KMT2D: variants seen among roughly 807,000 people sequenced by gnomAD.
The protein encoded by KMT2D is lysine methyltransferase 2D.
KMT2D carries 55 observed loss-of-function variants against 512.7 expected under a neutral mutation model. That is an observed-to-expected ratio of 0.11 (90% CI 0.09 to 0.13). The LOEUF (loss-of-function observed/expected upper bound fraction) is 0.13. Among genes scored for constraint, KMT2D ranks in the 10% least tolerant of loss-of-function variants. KMT2D has a pLI of 1.00. For missense variants in KMT2D, 6,061 were observed against 7,127.9 expected, an observed-to-expected ratio of 0.85 and a Z score of 5.39; for synonymous variants, 2,995 against 2,904.0, an observed-to-expected ratio of 1.03 and a Z score of -1.01.
At chr12:49,029,316 T>C in intron 44 of KMT2D, 80 bp from the exon 45 acceptor site, 1 of 1,585,670 alleles carries the variant, frequency 6.3e-7, no homozygotes, top group Non-Finnish European at 8.6e-7. Flanking sequence ...GATGTCTTAC[T>C]TGAAATCTCC....
chr12:49,033,853 C>T lies in KMT2D; in HGVS notation c.10852G>A (p.Ala3618Thr), dbSNP rs2120447844. ...CGGGGACTCTGGGAAGGGCTGAGAG[C>T]CAGCACAGCTGAGTGCTGTTGCTGT... is the stretch of plus-strand genomic sequence containing the variant. Reference protein sequence around the residue: ...QQQQQHSAVLALSPSQSPRLL... With the variant: ...QQQQQHSAVLTLSPSQSPRLL... The change falls in exon 40 of 55, where the codon GCT becomes ACT. Residue 3618 changes from alanine to threonine, a missense_variant. Coordinates refer to ENST00000301067, the MANE Select transcript of KMT2D (RefSeq NM_003482.4). The T allele has an allele frequency of 6.4e-7, 1 of 1,559,836 alleles. No individual in the cohort carries two copies. Among genetic ancestry groups the T allele is most frequent in the Non-Finnish European group, 8.7e-7 (1 of 1,154,498 alleles).
rs779996718 is a variant in KMT2D, at chr12:49,052,705, A to G, written c.1117T>C (p.Ser373Pro). 6 of 1,613,534 alleles carry G rather than the reference A, an allele frequency of 3.7e-6. No individual in the cohort carries two copies. In the South Asian group the frequency reaches 6.6e-5, roughly 18 times the overall value. The change falls in exon 10 of 55, where the codon TCA (serine) becomes CCA (proline). Residue 373 changes from serine to proline, a missense_variant. Coordinates refer to ENST00000301067, the MANE Select transcript of KMT2D (RefSeq NM_003482.4). ...GGGGTATCGCCAGGCTCTGGGGGTGAAAATCTGCAGAGGGTACAGGGGAGC... is the reference window on the plus strand; with the variant it reads ...GGGGTATCGCCAGGCTCTGGGGGTGGAAATCTGCAGAGGGTACAGGGGAGC... Reference protein sequence around the residue: ...EQHTPVCSRFSPPEPGDTPTD... With the variant: ...EQHTPVCSRFPPPEPGDTPTD...
At chr12:49,027,436 A>G (rs1592107376) in intron 48 of KMT2D, 114 bp from the exon 49 acceptor site, 1 of 850,758 alleles carries the variant, frequency 1.2e-6, no homozygotes, top group East Asian at 2.6e-5. Flanking sequence ...TGCCCTAGAC[A>G]GCCTCTTTTT....
rs1338209584 is a variant in KMT2D, at chr12:49,054,442, G to C, written c.401-26C>G. The stretch of plus-strand genomic sequence containing the variant: ...CTTTACAGGTGGGAAGAGGTAAAGA[G>C]AAAGGAAAGAATTAACAAAAAGAGG... On this transcript the variant is annotated intron_variant, in intron 4 of 54. Transcript: ENST00000301067. The surrounding 1 kb of genome is among the most constrained non-coding windows in gnomAD (Gnocchi z 6.4). The C allele has an allele frequency of 7.6e-6, 12 of 1,569,376 alleles. No homozygotes were observed. The highest frequency in any genetic ancestry group is 8.6e-6 in the Non-Finnish European group (10 of 1,156,644).
In KMT2D at chr12:49,039,355, T is replaced by C. The variant is rs1250670448; in HGVS notation, c.8233A>G (p.Lys2745Glu). 1.2e-6 allele frequency: 2 copies of C among 1,612,916 alleles called. No individual in the cohort carries two copies. The highest frequency in any genetic ancestry group is 1.7e-6 in the Non-Finnish European group (2 of 1,179,404). ...GQTPFAGTQD[K>E]SSLVGLPPSK... ...GGGGGCAACCCCACAAGGCTGCTCT[T>C]GTCCTAGAAGAGACAAGGTAGATGA... The change falls in exon 34 of 55, where the codon AAG becomes GAG. Residue 2745 changes from lysine to glutamate, a missense_variant. Around this residue, in one of 16 missense-constraint regions of KMT2D, gnomAD observed 527 missense variants for 578.9 expected, o/e 0.91. Coordinates refer to ENST00000301067, the MANE Select transcript of KMT2D (RefSeq NM_003482.4). The surrounding 1 kb of genome is among the most constrained non-coding windows in gnomAD (Gnocchi z 5.0).
chr12:49,057,394 G>A (rs1370468818), intron 1 of KMT2D, among the ~76,000 whole-genome samples: 2 of 152,180 alleles, frequency 1.3e-5, no homozygotes, highest in Non-Finnish European at 2.9e-5. Context: ...CTCACACAAG[G>A]CCAGAGGGGC....
rs2120459944 is a variant in KMT2D at position 49,034,797 on chromosome 12, A to G, written c.10355+15T>C. 6.2e-7 allele frequency: 1 copy of G among 1,612,030 alleles called. No homozygotes were observed. Among genetic ancestry groups the G allele is most frequent in the Non-Finnish European group, 8.5e-7 (1 of 1,178,262 alleles). On this transcript the variant is annotated intron_variant, in intron 36 of 54. Coordinates refer to ENST00000301067, the MANE Select transcript of KMT2D (RefSeq NM_003482.4). ...GAAAGAAAAGGGCCAACCCCATTCCAGCCCTGAGTCTTACCTGTTCATACC... is the reference window on the plus strand; with the variant it reads ...GAAAGAAAAGGGCCAACCCCATTCCGGCCCTGAGTCTTACCTGTTCATACC...
In KMT2D at chr12:49,021,175, C is replaced by A. The variant is rs545108166; in HGVS notation, c.*605G>T. On this transcript the variant is annotated 3_prime_UTR_variant, in exon 55 of 55. Coordinates refer to ENST00000301067, the MANE Select transcript of KMT2D (RefSeq NM_003482.4). ...TCCTAGGCAGCTGGGCGCCTCTTTC[C>A]CGTTCATGTTGCATTTGTCAGAGTG... The A allele has an allele frequency of 1.0e-5, 2 of 200,930 alleles. No homozygotes were observed. The highest frequency in any genetic ancestry group is 1.2e-4 in the Admixed American group (2 of 16,640). The allele number at this position is 200,930 out of a possible 1,614,324, so 12.4% of individuals were successfully genotyped here. A position where few individuals can be genotyped will look rare whatever the true frequency, so the allele number is the denominator to read the frequency against.
chr12:49,046,156 A>G lies in KMT2D; in HGVS notation c.4602T>C (p.Cys1534=). 6.2e-7 allele frequency: 1 copy of G among 1,611,446 alleles called. No individual in the cohort carries two copies. The highest frequency in any genetic ancestry group is 8.5e-7 in the Non-Finnish European group (1 of 1,178,692). The part of the protein sequence containing the change: ...RHCERWMHAG[C]ESLFTEDDVE... ...CATCGTCCTCTGTGAAGAGGCTCTC[A>G]CAGCCTGCATGCATCCACCTGGAGA... Residue 1534 remains cysteine, a synonymous_variant, in exon 18 of 55, where the codon TGT becomes TGC. Coordinates refer to ENST00000301067, the MANE Select transcript of KMT2D (RefSeq NM_003482.4). This position sits in a 1 kb window ranked among gnomAD's most constrained non-coding sequence, Gnocchi z 4.2.
In KMT2D at chr12:49,051,155, G is replaced by A. The variant is rs2120664231; in HGVS notation, c.2528C>T (p.Ser843Phe). The A allele has an allele frequency of 6.6e-7, 1 of 1,516,434 alleles. No individual in the cohort carries two copies. The highest frequency in any genetic ancestry group is 8.8e-7 in the Non-Finnish European group (1 of 1,130,432). 93.9% of individuals were successfully genotyped at this position (1,516,434 alleles called of 1,614,324 possible). A position where few individuals can be genotyped will look rare whatever the true frequency, so the allele number is the denominator to read the frequency against. The stretch of plus-strand genomic sequence containing the variant: ...CAGATGCGATTCCTCAGGCCGGGGG[G>A]ACAGGCATGGCTCCTCAGACTGGGG... ...LSPQSEEPCL[S>F]PRPEESHLSP... Residue 843 changes from serine (S) to phenylalanine (F), a missense_variant, in exon 11 of 55, where the codon TCC becomes TTC. Physicochemically the swap from Ser to Phe is radical, Grantham distance 155 (BLOSUM62 -2). Around this residue, in one of 16 missense-constraint regions of KMT2D, gnomAD observed 848 missense variants for 838.5 expected, o/e 1.01. Coordinates refer to ENST00000301067, the MANE Select transcript of KMT2D (RefSeq NM_003482.4).
rs398123753 is a variant in KMT2D, at chr12:49,041,174, TA to T, written c.6595del (p.Tyr2199IlefsTer65). Reference sequence around the variant, plus strand: ...CGCAGGGGCCCCCGTAGGACTAGGATAGGGGGGATAGGTGGGCGGTGCCGTG... The same window carrying T: ...CGCAGGGGCCCCCGTAGGACTAGGATGGGGGGATAGGTGGGCGGTGCCGTG... ...FPTAPPTYPP[Y>X]PSPTGAPAQP... is the part of the protein sequence containing the mutation. On this transcript the variant is annotated frameshift_variant, in exon 32 of 55. Coordinates refer to ENST00000301067, the MANE Select transcript of KMT2D (RefSeq NM_003482.4). LOFTEE classifies it high-confidence loss of function. The surrounding 1 kb of genome is among the most constrained non-coding windows in gnomAD (Gnocchi z 5.4). 1 of 1,517,504 alleles carries T rather than the reference TA, an allele frequency of 6.6e-7. No homozygotes were observed. The highest frequency in any genetic ancestry group is 8.8e-7 in the Non-Finnish European group (1 of 1,135,718). The allele number at this position is 1,517,504 out of a possible 1,614,324, so 94.0% of individuals were successfully genotyped here. A position where few individuals can be genotyped will look rare whatever the true frequency, so the allele number is the denominator to read the frequency against.
rs756081033 is a variant in KMT2D, at chr12:49,034,682, G to A, written c.10356-16C>T. The stretch of plus-strand genomic sequence containing the variant: ...CACTTGCTGTCTGGAGTCCACCAAA[G>A]CACAGAAGATAAGTGTTGGCAATAA... On this transcript the variant is annotated splice_polypyrimidine_tract_variant and intron_variant, in intron 36 of 54. Transcript: ENST00000301067. The A allele has an allele frequency of 6.2e-7, 1 of 1,611,878 alleles. No homozygotes were observed. Among genetic ancestry groups the A allele is most frequent in the Admixed American group, 1.7e-5 (1 of 59,756 alleles).
At position 49,042,004 on chromosome 12, in the gene KMT2D, AGAGT is replaced by A. The variant is rs1472142365; in HGVS notation, c.6110-18_6110-15del. ...GGCTTGACCAGTCTGGAGGGCAGAGAGAGTGAGTCAGAGAAGACTTGGCAGGCGA... is the reference window on the plus strand; with the variant it reads ...GGCTTGACCAGTCTGGAGGGCAGAGAGAGTCAGAGAAGACTTGGCAGGCGA... On this transcript the variant is annotated splice_polypyrimidine_tract_variant and intron_variant, in intron 29 of 54. Transcript: ENST00000301067. The surrounding 1 kb of genome is among the most constrained non-coding windows in gnomAD (Gnocchi z 4.4). 8.1e-6 allele frequency: 13 copies of A among 1,612,142 alleles called. No individual in the cohort carries two copies. The highest frequency in any genetic ancestry group is 1.3e-5 in the African/African-American group (1 of 74,828).
rs369774560 is a variant in KMT2D at position 49,039,888 on chromosome 12, G to C, written c.7882C>G (p.Leu2628Val). Residue 2628 changes from leucine to valine, a missense_variant, in exon 32 of 55, where the codon CTG becomes GTG. By Grantham distance (32) the Leu-to-Val change is conservative (BLOSUM62 1). Coordinates refer to ENST00000301067, the MANE Select transcript of KMT2D (RefSeq NM_003482.4). This position sits in a 1 kb window ranked among gnomAD's most constrained non-coding sequence, Gnocchi z 5.0. ...PPAPDGSLPY[L>V]SHGASQRSGI... is the part of the protein sequence containing the mutation. ...GATCGCTGTGAGGCTCCATGGGACAGGTAGGGGAGGGATCCGTCGGGTGCA... is the reference window on the plus strand; with the variant it reads ...GATCGCTGTGAGGCTCCATGGGACACGTAGGGGAGGGATCCGTCGGGTGCA... 2.5e-6 allele frequency: 4 copies of C among 1,614,062 alleles called. No homozygotes were observed. In the South Asian group the frequency reaches 4.4e-5, roughly 18 times the overall value.
rs770735103 is a variant in KMT2D, at chr12:49,030,632, C to A, written c.13808G>T (p.Gly4603Val). 1.0e-5 allele frequency: 16 copies of A among 1,601,314 alleles called. No individual in the cohort carries two copies. Among genetic ancestry groups the A allele is most frequent in the Non-Finnish European group, 1.3e-5 (15 of 1,173,496 alleles). The change falls in exon 42 of 55, where the codon GGC becomes GTC. Residue 4603 changes from glycine to valine, a missense_variant. By Grantham distance (109) the Gly-to-Val change is moderately radical. This residue lies in a region of KMT2D where 1,600 missense variants were observed against 1,754.9 expected (regional missense o/e 0.91). Transcript: ENST00000301067. ...AAGCAGCTGGGAATAGTAGTCAGGG[C>A]CAGTGGGCAGCGCCCCACTTCCAAA... ...GAFGSGALPT[G>V]PDYYSQLLTK...
chr12:49,050,596 G>C lies in KMT2D; in HGVS notation c.2992C>G (p.Pro998Ala), dbSNP rs143711798. 56 of 1,608,044 alleles carry C rather than the reference G, an allele frequency of 3.5e-5. No homozygotes were observed. Among genetic ancestry groups the C allele is most frequent in the Middle Eastern group, 1.6e-4 (1 of 6,064 alleles). Residue 998 changes from proline (P) to alanine (A), a missense_variant, in exon 12 of 55, where the codon CCT becomes GCT. This residue lies in a region of KMT2D where 447 missense variants were observed against 500.1 expected (regional missense o/e 0.89). Transcript: ENST00000301067. ...CCTGGAGATGGGGGAAGGATCATAG[G>C]GGGGACAGGCTCAGGGTCAGTGCAG... ...ANCTDPEPVPPMILPPSPGSP... is the reference protein window; with the variant it reads ...ANCTDPEPVPAMILPPSPGSP...
chr12:49,048,943 G>C (rs992396340), intron 13 of KMT2D, among the ~76,000 whole-genome samples, 162 bp downstream of exon 13: 2 of 152,224 alleles, frequency 1.3e-5, no homozygotes, highest in Admixed American at 6.5e-5. Flanking sequence ...TCTGATAGCA[G>C]AGATTTCAGA....
In KMT2D at chr12:49,046,359, T is replaced by C. The variant is rs1472638183; in HGVS notation, c.4484A>G (p.Tyr1495Cys). The C allele has an allele frequency of 1.2e-6, 2 of 1,613,872 alleles. No homozygotes were observed. The change falls in exon 17 of 55, where the codon TAC becomes TGC. Residue 1495 changes from tyrosine to cysteine, a missense_variant. By Grantham distance (194) the Tyr-to-Cys change is radical. Transcript: ENST00000301067. The surrounding 1 kb of genome is among the most constrained non-coding windows in gnomAD (Gnocchi z 4.2). ...GCTGGCACAGGGCCCACAGTGTGTG[T>C]AACTATTCTGCCATTCACAGTGGAA... ...PGFHCEWQNS[Y>C]THCGPCASLV...
intron 35 of KMT2D, chr12:49,035,931 G>A (rs1214686196): frequency 6.6e-6 from 1 of 152,258 alleles, no homozygotes; most frequent in Non-Finnish European, 1.5e-5. Context: ...ACAGTTAAGA[G>A]GAGTACCGAC....
Sources: allele counts gnomAD v4.1 joint callset (sites outside exome capture counted in the v4.1 genomes callset), GRCh38; gene constraint gnomAD v4.1.1; regional missense constraint gnomAD v4.1.1; non-coding constraint Gnocchi (gnomAD v3.1); transcripts MANE v1.5; gene names NCBI Gene and HGNC (gene_info 2026-07-23, HGNC 2026-07-21).